The following FRMD6 variants were observed in gnomAD, a reference collection of about 807,000 sequenced individuals.
FRMD6 encodes FERM domain-containing protein 6.
Under a neutral mutation model 73.2 loss-of-function variants are expected in FRMD6, and 37 were observed. That is an observed-to-expected ratio of 0.51 (90% CI 0.39 to 0.66). The LOEUF (loss-of-function observed/expected upper bound fraction) is 0.66, where lower values mean the gene tolerates loss of function less well. FRMD6 is among the 30% of genes least tolerant of loss of function. FRMD6 has a pLI of 0.00. For missense variants in FRMD6, 714 were observed against 780.5 expected (o/e 0.91, Z 1.02); for synonymous variants, 273 against 282.2 (o/e 0.97, Z 0.33).
At chr14:51,437,266 G>A in the FRMD6 span, among the ~76,000 whole-genome samples, 1 of 152,118 alleles carries the variant, frequency 6.6e-6, no homozygotes, top group Non-Finnish European at 1.5e-5. Flanking sequence ...ATAGTTTGCT[G>A]AGAATGACGG....
At chr14:51,419,527 A>G in the FRMD6 span, among the ~76,000 whole-genome samples, 1 of 152,112 alleles carries the variant, frequency 6.6e-6, no homozygotes, top group Admixed American at 6.5e-5. Context: ...AATATGGGGG[A>G]GGCATGTAGC....
chr14:51,460,855 T>C, the FRMD6 span, among the ~76,000 whole-genome samples: 4 of 152,318 alleles, frequency 2.6e-5, no homozygotes, highest in South Asian at 8.3e-4. Flanking sequence ...ATAAAGTGAT[T>C]TTATGTTAAA....
At chr14:51,540,753 G>T (rs1366889405) in intron 1 of FRMD6, among the ~76,000 whole-genome samples, 3 of 151,826 alleles carry the variant, frequency 2.0e-5, no homozygotes, top group African/African-American at 7.3e-5. Flanking sequence ...AATTCCATGA[G>T]CAAATAAATG....
intron 1 of FRMD6, among the ~76,000 whole-genome samples, chr14:51,548,539 C>T (rs1886602255): frequency 6.6e-6 from 1 of 151,978 alleles, no homozygotes; most frequent in Non-Finnish European, 1.5e-5. Flanking sequence ...TTTAATTCTC[C>T]GTGGATTTCT....
chr14:51,658,721 A>T (rs1893010848), intron 1 of FRMD6, among the ~76,000 whole-genome samples: 1 of 152,172 alleles, frequency 6.6e-6, no homozygotes, highest in African/African-American at 2.4e-5. Flanking sequence ...TAAGATTATG[A>T]TTTCACTGAG....
chr14:51,703,399 A>G (rs56138009), intron 5 of FRMD6, among the ~76,000 whole-genome samples: 1,778 of 152,216 alleles, frequency 0.012, 33 homozygotes, highest in African/African-American at 0.04. Context: ...AGTGAGTTAT[A>G]TGTAAAATTA....
At chr14:51,547,089 G>A (rs1475075708) in intron 1 of FRMD6, among the ~76,000 whole-genome samples, 1 of 152,066 alleles carries the variant, frequency 6.6e-6, no homozygotes, top group African/African-American at 2.4e-5. Flanking sequence ...TCAAAACTCT[G>A]TGTGTTCTGT....
At chr14:51,529,618 T>G (rs893872884) in intron 1 of FRMD6, among the ~76,000 whole-genome samples, 1 of 152,224 alleles carries the variant, frequency 6.6e-6, no homozygotes, top group Non-Finnish European at 1.5e-5. Context: ...CTGAAATTTC[T>G]ACATAAGCAA....
chr14:51,504,011 A>T (rs1883787387), intron 1 of FRMD6, among the ~76,000 whole-genome samples: 1 of 152,062 alleles, frequency 6.6e-6, no homozygotes, highest in Admixed American at 6.6e-5. Flanking sequence ...TTTCTGGTTT[A>T]TGTCATAGAG....
At chr14:51,425,339 C>A in the FRMD6 span, among the ~76,000 whole-genome samples, 1 of 152,112 alleles carries the variant, frequency 6.6e-6, no homozygotes, top group African/African-American at 2.4e-5. Context: ...CAGGACTGAC[C>A]CTGCACGCCC....
In FRMD6 at chr14:51,643,976, T is replaced by C. The variant is rs983925607; in HGVS notation, c.-146-45715T>C. Among the ~76,000 whole-genome samples the C allele has an allele frequency of 4.7e-5, 7 of 149,556 alleles. No individual in the cohort carries two copies. The East Asian group carries it at 5.8e-4, about 12-fold the overall frequency. On this transcript the variant is annotated intron_variant, in intron 2 of 14. Transcript: ENST00000356218. ...TAAGTATAGTTTCACTTTAGTTGAA[T>C]GATTTCTTATTAAGAAATTAATAAT... is the stretch of plus-strand genomic sequence containing the variant.
Position 51,496,336 on chromosome 14 carries a change from A to T in FRMD6, c.-210+6916A>T, listed in dbSNP as rs1489969471. 2.6e-5 allele frequency among the ~76,000 whole-genome samples: 4 copies of T among 152,342 alleles called. No individual in the cohort carries two copies. The East Asian group carries it at 7.7e-4, about 29-fold the overall frequency. Reference sequence around the variant, plus strand: ...CCCCAAAATATAGTGGCTGAAAACAACAATGATTTCTTGTTTCTCACACTT... The same window carrying T: ...CCCCAAAATATAGTGGCTGAAAACATCAATGATTTCTTGTTTCTCACACTT... On this transcript the variant is annotated intron_variant, in intron 1 of 14. Transcript: ENST00000356218.
intron 1 of FRMD6, among the ~76,000 whole-genome samples, chr14:51,673,498 C>T (rs1240054530): frequency 6.6e-6 from 1 of 152,104 alleles, no homozygotes; most frequent in Non-Finnish European, 1.5e-5. Context: ...AAACTGCCTC[C>T]AGTCATTAAG....
At chr14:51,515,027 C>T (rs567301716) in intron 1 of FRMD6, among the ~76,000 whole-genome samples, 2 of 152,218 alleles carry the variant, frequency 1.3e-5, no homozygotes, top group Non-Finnish European at 2.9e-5. Context: ...CCCTCTTGTT[C>T]AACCATGATG....
At chr14:51,486,867 G>A (rs1292624892), upstream of FRMD6, among the ~76,000 whole-genome samples, 1 of 151,986 alleles carries the variant, frequency 6.6e-6, no homozygotes, top group Non-Finnish European at 1.5e-5. Context: ...GCTAGGCATG[G>A]AAAGATGTCC....
the FRMD6 span, among the ~76,000 whole-genome samples, chr14:51,460,177 CAGTT>C: frequency 1.3e-5 from 2 of 152,036 alleles, no homozygotes; most frequent in Admixed American, 6.6e-5. Flanking sequence ...TTGGAGAAAA[CAGTT>C]AGAAACAGGG....
chr14:51,674,984 G>T (rs72675822), intron 1 of FRMD6, among the ~76,000 whole-genome samples: 4,730 of 152,192 alleles, frequency 0.031, 99 homozygotes, highest in Middle Eastern at 0.054. Context: ...GATAATAATT[G>T]AATTGACCTT....
At chr14:51,549,002 C>A (rs539088259) in intron 1 of FRMD6, among the ~76,000 whole-genome samples, 1 of 152,192 alleles carries the variant, frequency 6.6e-6, no homozygotes, top group African/African-American at 2.4e-5. Flanking sequence ...ATTTGATTTA[C>A]TTAGAGAGCT....
At chr14:51,410,283 T>C in the FRMD6 span, among the ~76,000 whole-genome samples, 3 of 152,186 alleles carry the variant, frequency 2.0e-5, no homozygotes, top group Admixed American at 6.5e-5. Flanking sequence ...CCTGTATCTA[T>C]AGGTTATTTA....
Sources: allele counts gnomAD v4.1 joint callset (sites outside exome capture counted in the v4.1 genomes callset), GRCh38; gene constraint gnomAD v4.1.1; transcripts MANE v1.5; gene names NCBI Gene and HGNC (gene_info 2026-07-23, HGNC 2026-07-21).